The following ZNF12 variants were observed in gnomAD, a reference collection of about 807,000 sequenced individuals.
The protein encoded by ZNF12 is zinc finger protein 12, also known as gonadotropin inducible transcription repressor 3.
A neutral mutation model predicts 66.6 loss-of-function variants in ZNF12; 34 were observed. The observed-to-expected ratio is 0.51, with a 90% CI of 0.39 to 0.68. The LOEUF is 0.68. ZNF12 is among the 30% of genes least tolerant of loss of function. ZNF12 has a pLI of 0.00. For missense variants in ZNF12, 697 were observed against 826.9 expected, an observed-to-expected ratio of 0.84 and a Z score of 1.93; for synonymous variants, 320 against 278.9, an observed-to-expected ratio of 1.15 and a Z score of -1.47.
In ZNF12 at chr7:6,697,691, A is replaced by C; in HGVS notation, c.136T>G (p.Ser46Ala). ...VMLENYSNLV[S>A]VGYHIIKPDV... is the part of the protein sequence containing the mutation. The stretch of plus-strand genomic sequence containing the variant: ...GAAAGCAAGCTATCCTCACCCACAG[A>C]AACTAGATTGCTGTAGTTCTCCAGC... Residue 46 changes from serine to alanine, a missense_variant, in exon 3 of 5, where the codon TCT (serine) becomes GCT (alanine). By Grantham distance (99) the Ser-to-Ala change is moderately conservative. This residue lies in a region of ZNF12 where 55 missense variants were observed against 83.9 expected (regional missense o/e 0.66). Coordinates refer to ENST00000405858, the MANE Select transcript of ZNF12 (RefSeq NM_016265.4). The surrounding 1 kb of genome is among the most constrained non-coding windows in gnomAD (Gnocchi z 6.1). The C allele has an allele frequency of 6.2e-7, 1 of 1,614,104 alleles. No homozygotes were observed.
In ZNF12 at chr7:6,705,251, G is replaced by A. The variant is rs754154593; in HGVS notation, c.-50-28C>T. 3.8e-6 allele frequency: 6 copies of A among 1,582,146 alleles called. No homozygotes were observed. The highest frequency in any genetic ancestry group is 1.1e-5 in the South Asian group (1 of 89,530). On this transcript the variant is annotated intron_variant, in intron 1 of 4. Transcript: ENST00000405858. The surrounding 1 kb of genome is among the most constrained non-coding windows in gnomAD (Gnocchi z 4.0). ...GGGGAAGGAAAACCCAAGCCATGGC[G>A]TTATGAGCGGTCTGGCCTGCCAAGG...
intron 4 of ZNF12, among the ~76,000 whole-genome samples, chr7:6,695,759 C>T (rs548029106): frequency 1.8e-4 from 27 of 152,252 alleles, no homozygotes; most frequent in Middle Eastern, 3.4e-3. Context: ...TCCTATCACC[C>T]CTAGGTGAAA....
intron 2 of ZNF12, chr7:6,704,298 G>C (rs1476672026): frequency 6.8e-6 from 1 of 146,918 alleles, no homozygotes; most frequent in African/African-American, 2.5e-5. Flanking sequence ...CTGGGCAACA[G>C]AGTGAGACTC....
chr7:6,692,593 G>A lies in ZNF12; in HGVS notation c.349C>T (p.Pro117Ser), dbSNP rs751742344. The A allele has an allele frequency of 1.2e-6, 2 of 1,613,810 alleles. No homozygotes were observed. The highest frequency in any genetic ancestry group is 2.2e-5 in the East Asian group (1 of 44,856). ...GTTTCTACATCAAAAGTTTTACCAG[G>A]AACATTACCTCTCTCTTCAATCAGG... ...ETLIEERGNV[P>S]GKTFDVETNP... The change falls in exon 5 of 5, where the codon CCT (proline) becomes TCT (serine). Residue 117 changes from proline to serine, a missense_variant. By Grantham distance (74) the Pro-to-Ser change is moderately conservative (BLOSUM62 -1). Transcript: ENST00000405858. This position sits in a 1 kb window ranked among gnomAD's most constrained non-coding sequence, Gnocchi z 5.1.
chr7:6,701,951 CAAAAAAAA>C (rs34380276), intron 2 of ZNF12, among the ~76,000 whole-genome samples: 1 of 127,168 alleles, frequency 7.9e-6, no homozygotes. Flanking sequence ...CAAAATTTCT[CAAAAAAAA>C]AAAAAAAAAA....
Position 6,691,992 on chromosome 7 carries a change from C to T in ZNF12, c.950G>A (p.Arg317Lys), listed in dbSNP as rs759802040. The T allele has an allele frequency of 1.7e-5, 27 of 1,613,974 alleles. No homozygotes were observed. The highest frequency in any genetic ancestry group is 8.5e-6 in the Non-Finnish European group (10 of 1,180,026). ...ATAGGGCTTCTCCCCTGTGTGTGTT[C>T]TCTGATGCACAGTAAGGGTTCCCTT... ...CQKGTLTVHQ[R>K]THTGEKPYEC... Residue 317 changes from arginine to lysine, a missense_variant, in exon 5 of 5, where the codon AGA becomes AAA. By Grantham distance (26) the Arg-to-Lys change is conservative. Transcript: ENST00000405858.
intron 2 of ZNF12, chr7:6,700,815 ACTTACTCAGGC>A (rs1437527741): frequency 6.6e-6 from 1 of 152,126 alleles, no homozygotes; most frequent in Admixed American, 6.6e-5. Context: ...CCTCCAGGAG[ACTTACTCAGGC>A]CCCTAATGCT....
At chr7:6,703,757 A>T (rs1780297539) in intron 2 of ZNF12, among the ~76,000 whole-genome samples, 1 of 152,230 alleles carries the variant, frequency 6.6e-6, no homozygotes, top group Non-Finnish European at 1.5e-5. Flanking sequence ...AAGAGTGGAC[A>T]CCAACACATG....
In ZNF12 at chr7:6,692,063, T is replaced by G; in HGVS notation, c.879A>C (p.Gly293=). ...ACTGATTACATTCGTAAGGTTTCTC[T>G]CCTGTGTGAGTCCTCTGATGTATAA... ...KFIIHQRTHT[G]EKPYECNQCG... is the part of the protein sequence containing the mutation. The change falls in exon 5 of 5, where the codon GGA becomes GGC. Residue 293 remains glycine (G), a synonymous_variant. Coordinates refer to ENST00000405858, the MANE Select transcript of ZNF12 (RefSeq NM_016265.4). This position sits in a 1 kb window ranked among gnomAD's most constrained non-coding sequence, Gnocchi z 5.1. The G allele has an allele frequency of 6.2e-7, 1 of 1,613,790 alleles. No individual in the cohort carries two copies. Among genetic ancestry groups the G allele is most frequent in the Admixed American group, 1.7e-5 (1 of 60,022 alleles).
At chr7:6,703,041 C>T (rs897382827) in intron 2 of ZNF12, among the ~76,000 whole-genome samples, 3 of 85,224 alleles carry the variant, frequency 3.5e-5, no homozygotes, top group African/African-American at 1.7e-4. Flanking sequence ...TCCCAAACTA[C>T]ACACACACAC....
At position 6,698,062 on chromosome 7, in the gene ZNF12, G is replaced by C. The variant is rs753431089; in HGVS notation, c.16-251C>G. ...TGAGCCAGAAACAATCCTGGCTGTT[G>C]GGAACTCTTAACACCAGCAGGGACG... On this transcript the variant is annotated intron_variant, in intron 2 of 4. Coordinates refer to ENST00000405858, the MANE Select transcript of ZNF12 (RefSeq NM_016265.4). This position sits in a 1 kb window ranked among gnomAD's most constrained non-coding sequence, Gnocchi z 4.4. 2.9e-5 allele frequency: 20 copies of C among 691,826 alleles called. No homozygotes were observed. Among genetic ancestry groups the C allele is most frequent in the South Asian group, 2.6e-4 (19 of 72,320 alleles). The allele number at this position is 691,826 out of a possible 1,614,324, so 42.9% of individuals were successfully genotyped here. A position where few individuals can be genotyped will look rare whatever the true frequency, so the allele number is the denominator to read the frequency against.
intron 2 of ZNF12, among the ~76,000 whole-genome samples, chr7:6,700,293 A>G (rs1452569099): frequency 7.0e-6 from 1 of 142,356 alleles, no homozygotes; most frequent in Non-Finnish European, 1.5e-5. Flanking sequence ...TGAGAGGAAA[A>G]AAAAAAAATA....
intron 2 of ZNF12, among the ~76,000 whole-genome samples, chr7:6,704,503 T>G (rs1231950438): frequency 4.6e-5 from 6 of 130,390 alleles, no homozygotes; most frequent in African/African-American, 1.8e-4. Context: ...CCGAGGCGGG[T>G]GGATCACCTG....
chr7:6,699,319 C>A (rs1255710756), intron 2 of ZNF12, among the ~76,000 whole-genome samples: 2 of 152,194 alleles, frequency 1.3e-5, no homozygotes, highest in Non-Finnish European at 2.9e-5. Context: ...TGAGTGCAAG[C>A]TGGGTTCTAC....
chr7:6,700,403 T>C (rs185552620), intron 2 of ZNF12, among the ~76,000 whole-genome samples: 19 of 151,432 alleles, frequency 1.3e-4, no homozygotes, highest in Admixed American at 1.1e-3. Flanking sequence ...ACCAAACCAT[T>C]TCAGTCACAC....
chr7:6,704,952 G>C (rs146325290), intron 2 of ZNF12, among the ~76,000 whole-genome samples: 2 of 152,238 alleles, frequency 1.3e-5, no homozygotes, highest in East Asian at 3.9e-4. Flanking sequence ...TAAGACGCTT[G>C]TACTCTGACT....
chr7:6,704,565 C>CT (rs955069236), intron 2 of ZNF12, among the ~76,000 whole-genome samples: 3 of 95,022 alleles, frequency 3.2e-5, no homozygotes, highest in Admixed American at 1.2e-4. Flanking sequence ...CCTGTCTCTA[C>CT]TTTAAAAAAA....
rs949897713 is a variant in ZNF12 at position 6,704,740 on chromosome 7, CAAAAAAAAAAAAAAA to C, written c.15+404_15+418del. 4.0e-4 allele frequency among the ~76,000 whole-genome samples: 13 copies of C among 32,250 alleles called. 1 individual carries two copies. Among genetic ancestry groups the C allele is most frequent in the Admixed American group, 2.4e-3 (4 of 1,664 alleles). 21.2% of individuals were successfully genotyped at this position (32,250 alleles called of 152,430 possible). ...GGTGACAGAGCGCAATACTTGGTCT[CAAAAAAAAAAAAAAA>C]AAAAAAAAAAAAAAAAGAAAGGCAA... On this transcript the variant is annotated intron_variant, in intron 2 of 4. Transcript: ENST00000405858.
Position 6,706,826 on chromosome 7 carries a change from G to A in ZNF12, c.-445C>T. ...GGCCCGCACAGCCCCGCGCCCGCTT[G>A]GGTGCCGGCCCGGCTCTTCGGCGCC... On this transcript the variant is annotated 5_prime_UTR_variant, in exon 1 of 5. Coordinates refer to ENST00000405858, the MANE Select transcript of ZNF12 (RefSeq NM_016265.4). 2 of 326,558 alleles carry A rather than the reference G, an allele frequency of 6.1e-6. No homozygotes were observed. The highest frequency in any genetic ancestry group is 4.3e-5 in the South Asian group (2 of 46,066). 20.2% of individuals were successfully genotyped at this position (326,558 alleles called of 1,614,324 possible). A position where few individuals can be genotyped will look rare whatever the true frequency, so the allele number is the denominator to read the frequency against.
Sources: allele counts gnomAD v4.1 joint callset (sites outside exome capture counted in the v4.1 genomes callset), GRCh38; gene constraint gnomAD v4.1.1; regional missense constraint gnomAD v4.1.1; non-coding constraint Gnocchi (gnomAD v3.1); transcripts MANE v1.5; gene names NCBI Gene and HGNC (gene_info 2026-07-23, HGNC 2026-07-21).